MACROD2: variants seen among roughly 807,000 people sequenced by gnomAD.
MACROD2 encodes the protein ADP-ribose glycohydrolase MACROD2.
In MACROD2, 36 loss-of-function variants were observed where a neutral mutation model predicts 70.4. The ratio of observed to expected loss-of-function variants is 0.51; its 90% CI spans 0.39 to 0.68. The LOEUF (loss-of-function observed/expected upper bound fraction) is 0.68. MACROD2 is among the 30% of genes least tolerant of loss of function. The pLI is 0.00. For synonymous variants in MACROD2, 172 were observed against 178.8 expected, an observed-to-expected ratio of 0.96 and a Z score of 0.30; for missense variants, 496 against 538.4, an observed-to-expected ratio of 0.92 and a Z score of 0.78.
intron 3 of MACROD2, among the ~76,000 whole-genome samples, chr20:14,106,162 G>T (rs2054365491): frequency 6.6e-6 from 1 of 152,192 alleles, no homozygotes. Flanking sequence ...CCTGTGGGGA[G>T]CCCACTGCCC....
intron 3 of MACROD2, among the ~76,000 whole-genome samples, chr20:14,375,579 G>A (rs926499468): frequency 6.6e-6 from 1 of 152,210 alleles, no homozygotes; most frequent in African/African-American, 2.4e-5. Flanking sequence ...GAAGATGGGG[G>A]TTGGGGCTTT....
intron 16 of MACROD2, among the ~76,000 whole-genome samples, chr20:16,043,876 T>G (rs1422783133): frequency 6.6e-6 from 1 of 152,100 alleles, no homozygotes; most frequent in Non-Finnish European, 1.5e-5. Flanking sequence ...AGATATCTAT[T>G]AAAGCCTTTG....
rs544423036 is a variant in MACROD2 at position 14,160,835 on chromosome 20, T to A, written c.271+75107T>A. ...ATGTATTTGAAATCTTTATACTTTT[T>A]AAAAATTTTTATTTTATTTTAAATT... is the stretch of plus-strand genomic sequence containing the variant. On this transcript the variant is annotated intron_variant, in intron 3 of 17. Transcript: ENST00000684519. Among the ~76,000 whole-genome samples the A allele has an allele frequency of 3.0e-4, 46 of 152,264 alleles. No homozygotes were observed. In the South Asian group the frequency reaches 5.0e-3, roughly 16 times the overall value.
At chr20:15,686,703 T>A (rs1232250862) in intron 8 of MACROD2, among the ~76,000 whole-genome samples, 1 of 151,838 alleles carries the variant, frequency 6.6e-6, no homozygotes, top group Non-Finnish European at 1.5e-5. Flanking sequence ...TAAAACCCCG[T>A]CTCTACTAAA....
chr20:14,664,245 ACTGGAGTCCTTC>A (rs2070711927), intron 4 of MACROD2, among the ~76,000 whole-genome samples: 1 of 152,106 alleles, frequency 6.6e-6, no homozygotes, highest in Non-Finnish European at 1.5e-5. Flanking sequence ...AAAAGATACA[ACTGGAGTCCTTC>A]CTAGTTCCAC....
intron 3 of MACROD2, among the ~76,000 whole-genome samples, chr20:14,226,774 A>G (rs1467517926): frequency 1.3e-5 from 2 of 152,224 alleles, no homozygotes; most frequent in East Asian, 3.9e-4. Flanking sequence ...GCAGCCCGCC[A>G]TGCCTGAGCC....
intron 5 of MACROD2, among the ~76,000 whole-genome samples, chr20:15,026,418 A>T (rs17355423): frequency 2.0e-5 from 3 of 151,876 alleles, no homozygotes; most frequent in African/African-American, 2.4e-5. Flanking sequence ...TTACACTATC[A>T]TCTTGTTACT....
chr20:14,985,948 A>G (rs1363875303), intron 5 of MACROD2, among the ~76,000 whole-genome samples: 1 of 151,874 alleles, frequency 6.6e-6, no homozygotes, highest in Non-Finnish European at 1.5e-5. Flanking sequence ...AGAAATACCA[A>G]TTATTAAAAA....
chr20:15,791,670 C>A (rs540360935), intron 8 of MACROD2, among the ~76,000 whole-genome samples: 140 of 151,892 alleles, frequency 9.2e-4, no homozygotes, highest in African/African-American at 3.4e-3. Context: ...GAGAAATAAT[C>A]CATTTATAAT....
At chr20:14,478,352 G>GT (rs879737510) in intron 3 of MACROD2, among the ~76,000 whole-genome samples, 8 of 152,250 alleles carry the variant, frequency 5.3e-5, no homozygotes, top group Admixed American at 5.2e-4. Flanking sequence ...TGAGGCAGCT[G>GT]TTTTCTGCTG....
chr20:15,134,785 T>G (rs1431529650), intron 5 of MACROD2, among the ~76,000 whole-genome samples: 2 of 152,124 alleles, frequency 1.3e-5, no homozygotes, highest in Admixed American at 1.3e-4. Context: ...AGTTGCTGGT[T>G]TTTTGAAAGG....
chr20:14,237,806 G>T (rs927991903), intron 3 of MACROD2, among the ~76,000 whole-genome samples: 2 of 145,156 alleles, frequency 1.4e-5, no homozygotes, highest in African/African-American at 5.1e-5. Context: ...TGGTTTTTTT[G>T]TCCTTGCGAT....
chr20:15,501,448 C>T (rs1435548274), intron 8 of MACROD2, among the ~76,000 whole-genome samples: 1 of 152,186 alleles, frequency 6.6e-6, no homozygotes, highest in African/African-American at 2.4e-5. Context: ...GTCACAGGTA[C>T]ATCTCATCAA....
intron 5 of MACROD2, among the ~76,000 whole-genome samples, chr20:14,704,495 C>T (rs1568748636): frequency 1.3e-5 from 2 of 152,136 alleles, no homozygotes. Flanking sequence ...ACTCCTGTCT[C>T]ACTTCTCTAC....
chr20:15,701,081 G>A lies in MACROD2; in HGVS notation c.646-161664G>A, dbSNP rs34153554. On this transcript the variant is annotated intron_variant, in intron 8 of 17. Coordinates refer to ENST00000684519, the MANE Select transcript of MACROD2 (RefSeq NM_001351661.2). The stretch of plus-strand genomic sequence containing the variant: ...GCTGACCTCCACTAGTCCAGCCCAC[G>A]AATTGGCAAACTACAGCCCCTGAGC... Among the ~76,000 whole-genome samples the A allele has an allele frequency of 5.9e-3, 898 of 152,280 alleles. 2 individuals carry two copies. Among genetic ancestry groups the A allele is most frequent in the Middle Eastern group, 0.01 (3 of 294 alleles).
At chr20:15,659,959 C>T (rs919712714) in intron 8 of MACROD2, among the ~76,000 whole-genome samples, 12 of 151,906 alleles carry the variant, frequency 7.9e-5, no homozygotes, top group Non-Finnish European at 1.5e-4. Context: ...TTACTTTGCT[C>T]GAGTAATATA....
chr20:15,223,173 G>C (rs550980217), intron 5 of MACROD2, among the ~76,000 whole-genome samples: 1 of 152,322 alleles, frequency 6.6e-6, no homozygotes, highest in South Asian at 2.1e-4. Flanking sequence ...ACTTTAGTCT[G>C]ATGAAGCACA....
intron 5 of MACROD2, among the ~76,000 whole-genome samples, chr20:14,882,368 T>G (rs888289022): frequency 1.3e-5 from 2 of 152,220 alleles, no homozygotes; most frequent in Admixed American, 6.5e-5. Context: ...ACTAGATATA[T>G]CTTTGTCTTT....
At position 14,458,478 on chromosome 20, in the gene MACROD2, A is replaced by G. The variant is rs2084329886; in HGVS notation, c.272-35001A>G. 3.3e-5 allele frequency among the ~76,000 whole-genome samples: 5 copies of G among 152,250 alleles called. 1 individual carries two copies. In the South Asian group the frequency reaches 1.0e-3, roughly 32 times the overall value. On this transcript the variant is annotated intron_variant, in intron 3 of 17. Coordinates refer to ENST00000684519, the MANE Select transcript of MACROD2 (RefSeq NM_001351661.2). ...TATTTAAGATGAGTTATATAGATTT[A>G]CACAAAAGCCAGGCTTCTGATTTGG...
Sources: allele counts gnomAD v4.1 joint callset (sites outside exome capture counted in the v4.1 genomes callset), GRCh38; gene constraint gnomAD v4.1.1; transcripts MANE v1.5; gene names NCBI Gene and HGNC (gene_info 2026-07-23, HGNC 2026-07-21).